Variants in XRCC5 observed in about 807,000 individuals in gnomAD.
XRCC5 encodes DNA repair protein Ku80.
In XRCC5, 12 loss-of-function variants were observed where a neutral mutation model predicts 95.7. That is an observed-to-expected ratio of 0.13 (90% CI 0.08 to 0.20). The LOEUF (loss-of-function observed/expected upper bound fraction) is 0.20, where lower values mean the gene tolerates loss of function less well. Among genes scored for constraint, XRCC5 ranks in the 10% least tolerant of loss-of-function variants. XRCC5 has a pLI of 1.00. For synonymous variants in XRCC5, 281 were observed against 290.3 expected (o/e 0.97, Z 0.33); for missense variants, 595 against 873.9 (o/e 0.68, Z 4.02).
intron 12 of XRCC5, among the ~76,000 whole-genome samples, chr2:216,140,367 G>A (rs1574462516): frequency 6.6e-6 from 1 of 152,228 alleles, no homozygotes; most frequent in South Asian, 2.1e-4. Flanking sequence ...AGGTTCAACA[G>A]CTGAACTGCT....
intron 14 of XRCC5, among the ~76,000 whole-genome samples, chr2:216,157,308 A>G (rs897927965): frequency 4.6e-5 from 7 of 151,252 alleles, no homozygotes; most frequent in Admixed American, 1.3e-4. Flanking sequence ...ATTGTGGCTC[A>G]CTGCAAGCTC....
At chr2:216,195,365 C>CTTTTCTTTTCTTTTCTT (rs1689697906) in intron 19 of XRCC5, among the ~76,000 whole-genome samples, 1 of 109,768 alleles carries the variant, frequency 9.1e-6, no homozygotes, top group Admixed American at 8.8e-5. Context: ...CTTTTCTTTT[C>CTTTTCTTTTCTTTTCTT]TTTTCTTTTC....
chr2:216,154,214 C>G (rs552851574), intron 14 of XRCC5, among the ~76,000 whole-genome samples: 119 of 152,170 alleles, frequency 7.8e-4, no homozygotes, highest in Middle Eastern at 3.2e-3. Flanking sequence ...TAACAAATGC[C>G]TGCCTTCCAG....
intron 10 of XRCC5, among the ~76,000 whole-genome samples, chr2:216,134,432 T>G (rs1338905513): frequency 7.1e-6 from 1 of 140,526 alleles, no homozygotes; most frequent in African/African-American, 2.5e-5. Flanking sequence ...TTTTTTTTTG[T>G]TTTTTTTTTT....
intron 13 of XRCC5, among the ~76,000 whole-genome samples, chr2:216,141,608 C>T (rs1697174015): frequency 7.6e-6 from 1 of 131,064 alleles, no homozygotes; most frequent in South Asian, 2.4e-4. Flanking sequence ...ACAGGAAGGC[C>T]AGTTGCCTAT....
intron 17 of XRCC5, among the ~76,000 whole-genome samples, chr2:216,192,252 C>T (rs1689627249): frequency 6.6e-6 from 1 of 152,128 alleles, no homozygotes; most frequent in Admixed American, 6.5e-5. Flanking sequence ...GCTCAGCCTC[C>T]CAAAGTGCTG....
Position 216,194,792 on chromosome 2 carries a change from G to A in XRCC5, c.2042-127G>A, listed in dbSNP as rs3732022. ...CTGAGACCAGCCTGGGCAACATAGT[G>A]GGACCCTGTCTCTATTTAAAAAAAA... On this transcript the variant is annotated intron_variant, in intron 18 of 20. Coordinates refer to ENST00000392132, the MANE Select transcript of XRCC5 (RefSeq NM_021141.4). 170 of 867,930 alleles carry A rather than the reference G, an allele frequency of 2.0e-4. 1 individual carries two copies. In the East Asian group the frequency reaches 4.2e-3, roughly 21 times the overall value. 53.8% of individuals were successfully genotyped at this position (867,930 alleles called of 1,614,324 possible). A position where few individuals can be genotyped will look rare whatever the true frequency, so the allele number is the denominator to read the frequency against.
chr2:216,122,309 T>C, intron 6 of XRCC5, 56 bp downstream of exon 6: 1 of 1,519,964 alleles, frequency 6.6e-7, no homozygotes, highest in South Asian at 1.2e-5. Flanking sequence ...AAATTTCTCT[T>C]TTGATTAGAG....
intron 16 of XRCC5, among the ~76,000 whole-genome samples, chr2:216,183,919 A>G (rs1035815556): frequency 1.3e-5 from 2 of 152,126 alleles, no homozygotes; most frequent in African/African-American, 4.8e-5. Context: ...AGAATATTTC[A>G]TTAAAGACCA....
chr2:216,160,302 A>G, intron 15 of XRCC5, 141 bp downstream of exon 15: 1 of 507,442 alleles, frequency 2.0e-6, no homozygotes, highest in Admixed American at 4.0e-5. Context: ...GCTCTATAGA[A>G]GCCAAAAAGA....
chr2:216,142,006 A>G (rs1372695505), intron 13 of XRCC5, among the ~76,000 whole-genome samples: 1 of 152,098 alleles, frequency 6.6e-6, no homozygotes, highest in Non-Finnish European at 1.5e-5. Context: ...GTTAGCCGAG[A>G]TCACGACCCT....
chr2:216,122,901 A>G (rs182453831), intron 6 of XRCC5, among the ~76,000 whole-genome samples: 1 of 152,322 alleles, frequency 6.6e-6, no homozygotes, highest in Admixed American at 6.5e-5. Context: ...CCAGCTAGAG[A>G]CTATGGAAGA....
At chr2:216,126,899 T>A (rs906525646) in intron 7 of XRCC5, among the ~76,000 whole-genome samples, 1 of 152,034 alleles carries the variant, frequency 6.6e-6, no homozygotes, top group African/African-American at 2.4e-5. Flanking sequence ...GACACAGATA[T>A]ATTGCTTCTT....
intron 6 of XRCC5, among the ~76,000 whole-genome samples, chr2:216,123,128 C>T (rs968592220): frequency 6.6e-6 from 1 of 152,148 alleles, no homozygotes; most frequent in Non-Finnish European, 1.5e-5. Flanking sequence ...TTATTTCCAG[C>T]TTATCAGTCT....
intron 6 of XRCC5, among the ~76,000 whole-genome samples, chr2:216,122,573 C>T (rs1208922902): frequency 6.7e-6 from 1 of 150,344 alleles, no homozygotes; most frequent in Non-Finnish European, 1.5e-5. Flanking sequence ...GCTTGGGATA[C>T]ATTTTTTGGG....
At chr2:216,194,819 A>G in intron 18 of XRCC5, 100 bp from the exon 19 acceptor site, 1 of 1,129,938 alleles carries the variant, frequency 8.9e-7, no homozygotes, top group Non-Finnish European at 1.3e-6. Flanking sequence ...TAAAAAAAAG[A>G]AATCTTCAGC....
chr2:216,190,758 C>T (rs1188327025), intron 17 of XRCC5, among the ~76,000 whole-genome samples: 2 of 151,876 alleles, frequency 1.3e-5, no homozygotes, highest in Non-Finnish European at 2.9e-5. Flanking sequence ...ATCTAAATGT[C>T]AGAAAAAAAA....
chr2:216,155,124 G>GCCT (rs1163298987), intron 14 of XRCC5, among the ~76,000 whole-genome samples: 1 of 150,554 alleles, frequency 6.6e-6, no homozygotes, highest in Non-Finnish European at 1.5e-5. Flanking sequence ...TACTCTGGAG[G>GCCT]CTGAGGCAGG....
chr2:216,197,979 A>ATTTTACTT (rs986189384), intron 19 of XRCC5, among the ~76,000 whole-genome samples: 1 of 152,184 alleles, frequency 6.6e-6, no homozygotes, highest in South Asian at 2.1e-4. Flanking sequence ...GAGTAGTAGA[A>ATTTTACTT]TTTTACTTGT....
Sources: allele counts gnomAD v4.1 joint callset (sites outside exome capture counted in the v4.1 genomes callset), GRCh38; gene constraint gnomAD v4.1.1; transcripts MANE v1.5; gene names NCBI Gene and HGNC (gene_info 2026-07-23, HGNC 2026-07-21).